The following SLC38A6 variants were observed in gnomAD, a reference collection of about 807,000 sequenced individuals.
SLC38A6 encodes the protein solute carrier family 38 member 6.
In SLC38A6, 73 loss-of-function variants were observed where a neutral mutation model predicts 65.0. The observed-to-expected ratio is 1.12, with a 90% confidence interval of 0.93 to 1.37. The LOEUF (loss-of-function observed/expected upper bound fraction) is 1.37, where lower values mean the gene tolerates loss of function less well. Ranked by LOEUF, SLC38A6 falls within the 40% of genes most tolerant of loss-of-function variation. The pLI is 0.00. For synonymous variants in SLC38A6, 183 were observed against 178.8 expected (o/e 1.02, Z -0.19); for missense variants, 561 against 531.1 (o/e 1.06, Z -0.55).
At chr14:60,999,476 A>G (rs2038546749) in intron 3 of SLC38A6, among the ~76,000 whole-genome samples, 1 of 151,952 alleles carries the variant, frequency 6.6e-6, no homozygotes, top group African/African-American at 2.4e-5. Context: ...TTTTTATAAC[A>G]TTTTCTAAAT....
intron 3 of SLC38A6, among the ~76,000 whole-genome samples, chr14:60,996,230 CAG>C (rs2038287373): frequency 6.6e-6 from 1 of 151,992 alleles, no homozygotes; most frequent in Non-Finnish European, 1.5e-5. Context: ...GAAACAGACT[CAG>C]AGGAAAAGAG....
intron 15 of SLC38A6, among the ~76,000 whole-genome samples, chr14:61,072,781 G>T (rs1160081517): frequency 2.0e-5 from 3 of 152,118 alleles, no homozygotes; most frequent in Non-Finnish European, 4.4e-5. Context: ...TTCATCTGTT[G>T]ATGGACACTT....
rs143464177 is a variant in SLC38A6 at position 60,996,532 on chromosome 14, C to G, written c.310+11729C>G. On this transcript the variant is annotated intron_variant, in intron 3 of 15. Coordinates refer to ENST00000267488, the MANE Select transcript of SLC38A6 (RefSeq NM_153811.3). ...CAACATGCAAATAATAGAAATTCTGCAACAAGAAAAAAGTAAAAGGGATGG... is the reference window on the plus strand; with the variant it reads ...CAACATGCAAATAATAGAAATTCTGGAACAAGAAAAAAGTAAAAGGGATGG... Among the ~76,000 whole-genome samples, 77 of 151,504 alleles carry G rather than the reference C, an allele frequency of 5.1e-4. 1 individual carries two copies. Among genetic ancestry groups the G allele is most frequent in the South Asian group, 5.0e-3 (24 of 4,806 alleles).
intron 3 of SLC38A6, among the ~76,000 whole-genome samples, chr14:61,003,675 T>A (rs80136360): frequency 0.013 from 1,955 of 152,310 alleles, 44 homozygotes; most frequent in African/African-American, 0.045. Flanking sequence ...TGCAGATTTT[T>A]TGTTGTTAAA....
chr14:60,987,169 C>CTTTTTTTTT (rs75703068), intron 3 of SLC38A6: 1 of 186,564 alleles, frequency 5.4e-6, no homozygotes, highest in African/African-American at 2.8e-5. Flanking sequence ...TAGGCTTTTC[C>CTTTTTTTTT]TTTTTTTTTT....
At chr14:61,014,055 C>A (rs2039800287) in intron 3 of SLC38A6, among the ~76,000 whole-genome samples, 1 of 152,072 alleles carries the variant, frequency 6.6e-6, no homozygotes, top group Non-Finnish European at 1.5e-5. Flanking sequence ...TCACATAGTC[C>A]CATATTTCTT....
intron 5 of SLC38A6, 124 bp from the exon 6 acceptor site, chr14:61,030,321 G>T: frequency 1.7e-6 from 1 of 584,436 alleles, no homozygotes; most frequent in East Asian, 3.1e-5. Context: ...GGTATAGTGT[G>T]TTATATGTTA....
At chr14:61,015,000 G>A (rs565009410) in intron 3 of SLC38A6, among the ~76,000 whole-genome samples, 154 of 152,310 alleles carry the variant, frequency 1.0e-3, no homozygotes, top group African/African-American at 3.4e-3. Flanking sequence ...ACAGAGGCAC[G>A]CAGGGCTCCT....
chr14:61,010,646 TC>T (rs2039489500), intron 3 of SLC38A6, among the ~76,000 whole-genome samples: 1 of 152,226 alleles, frequency 6.6e-6, no homozygotes, highest in Non-Finnish European at 1.5e-5. Context: ...GGGAATCCTT[TC>T]CCCATTTCCT....
intron 3 of SLC38A6, among the ~76,000 whole-genome samples, chr14:61,002,821 A>G (rs2038803315): frequency 6.6e-6 from 1 of 152,190 alleles, no homozygotes; most frequent in African/African-American, 2.4e-5. Context: ...GATTGCTTTC[A>G]GTCATTTGTT....
chr14:61,063,053 A>G (rs1350962984), intron 15 of SLC38A6, among the ~76,000 whole-genome samples: 1 of 152,124 alleles, frequency 6.6e-6, no homozygotes, highest in Non-Finnish European at 1.5e-5. Context: ...TATTCTCTTA[A>G]CAGTGTCTTT....
chr14:61,053,392 G>T (rs1160579038), downstream of SLC38A6, among the ~76,000 whole-genome samples: 1 of 151,988 alleles, frequency 6.6e-6, no homozygotes, highest in Non-Finnish European at 1.5e-5. Flanking sequence ...TATGTTCCTT[G>T]GGGTATATAT....
intron 9 of SLC38A6, 27 bp from the exon 10 acceptor site, chr14:61,043,423 C>A: frequency 6.4e-7 from 1 of 1,561,688 alleles, no homozygotes; most frequent in Non-Finnish European, 8.7e-7. Context: ...GTTGGTTTCT[C>A]TTTTTCCCCT....
At chr14:60,992,755 A>G (rs2139722043) in intron 3 of SLC38A6, among the ~76,000 whole-genome samples, 1 of 151,762 alleles carries the variant, frequency 6.6e-6, no homozygotes, top group South Asian at 2.1e-4. Flanking sequence ...GGCGCGATCT[A>G]GCCAAACCGC....
intron 3 of SLC38A6, among the ~76,000 whole-genome samples, chr14:60,993,706 T>C (rs1004755564): frequency 6.6e-6 from 1 of 152,212 alleles, no homozygotes; most frequent in African/African-American, 2.4e-5. Flanking sequence ...AATCATCATA[T>C]AGTTAAGCAT....
intron 15 of SLC38A6, among the ~76,000 whole-genome samples, chr14:61,061,498 C>G (rs1384243809): frequency 6.6e-6 from 1 of 152,134 alleles, no homozygotes; most frequent in East Asian, 1.9e-4. Context: ...GGAGTAGTTT[C>G]TGTAGGAATA....
chr14:61,055,185 T>C (rs2042671659), downstream of SLC38A6, among the ~76,000 whole-genome samples: 1 of 90,880 alleles, frequency 1.1e-5, no homozygotes, highest in African/African-American at 4.0e-5. Flanking sequence ...GTTACATATG[T>C]ATACATGTGC....
intron 15 of SLC38A6, chr14:61,073,854 C>G (rs1366994802): frequency 6.6e-6 from 1 of 151,850 alleles, no homozygotes; most frequent in East Asian, 1.9e-4. Context: ...GAAGGCAAGA[C>G]CAACCCCTCC....
At chr14:61,066,981 A>G (rs920790960) in intron 15 of SLC38A6, among the ~76,000 whole-genome samples, 1 of 152,238 alleles carries the variant, frequency 6.6e-6, no homozygotes, top group Admixed American at 6.5e-5. Flanking sequence ...TATGTAAGAC[A>G]TACATACATC....
Sources: allele counts gnomAD v4.1 joint callset (sites outside exome capture counted in the v4.1 genomes callset), GRCh38; gene constraint gnomAD v4.1.1; transcripts MANE v1.5; gene names NCBI Gene and HGNC (gene_info 2026-07-23, HGNC 2026-07-21).